Variants in SCFD2 observed in about 807,000 individuals in gnomAD.
SCFD2 encodes sec1 family domain containing 2.
Under a neutral mutation model 58.9 loss-of-function variants are expected in SCFD2, and 54 were observed. That is an observed-to-expected ratio of 0.92 (90% CI 0.74 to 1.15). The LOEUF is 1.15. Among genes scored for constraint, SCFD2 ranks in the 50% most tolerant of loss-of-function variants. SCFD2 has a pLI of 0.00. For missense variants in SCFD2, 805 were observed against 836.6 expected, an observed-to-expected ratio of 0.96 and a Z score of 0.47; for synonymous variants, 321 against 335.9, an observed-to-expected ratio of 0.96 and a Z score of 0.49.
chr4:53,335,118 C>G (rs919686193), intron 2 of SCFD2, among the ~76,000 whole-genome samples: 1 of 148,976 alleles, frequency 6.7e-6, no homozygotes, highest in Admixed American at 6.9e-5. Context: ...ATTGCTGAAA[C>G]CCAGGAGGCA....
intron 4 of SCFD2, among the ~76,000 whole-genome samples, chr4:53,231,545 T>C (rs1381864593): frequency 1.3e-5 from 2 of 152,212 alleles, no homozygotes; most frequent in Non-Finnish European, 2.9e-5. Context: ...TTTATCATGC[T>C]AATCAGAAAC....
chr4:53,313,091 G>A (rs1009053766), intron 3 of SCFD2, among the ~76,000 whole-genome samples: 1 of 152,020 alleles, frequency 6.6e-6, no homozygotes, highest in African/African-American at 2.4e-5. Flanking sequence ...AAAGATGGAT[G>A]TGAAAAAAAA....
At chr4:52,933,405 T>C (rs1160015481) in intron 5 of SCFD2, among the ~76,000 whole-genome samples, 1 of 152,196 alleles carries the variant, frequency 6.6e-6, no homozygotes, top group Non-Finnish European at 1.5e-5. Context: ...AGATTTAAAC[T>C]CTTAACAAAA....
intron 7 of SCFD2, 145 bp downstream of exon 7, chr4:52,907,312 T>G: frequency 1.3e-6 from 1 of 770,576 alleles, no homozygotes; most frequent in Non-Finnish European, 2.2e-6. Context: ...AATCAAAAGA[T>G]AAAGATTGCC....
chr4:53,309,717 T>C (rs1732630511), intron 3 of SCFD2, among the ~76,000 whole-genome samples: 2 of 152,204 alleles, frequency 1.3e-5, no homozygotes, highest in South Asian at 4.1e-4. Flanking sequence ...AATTAGTACA[T>C]TTCCGAGAAA....
chr4:53,195,681 A>G (rs1294447066), intron 4 of SCFD2, among the ~76,000 whole-genome samples: 1 of 152,154 alleles, frequency 6.6e-6, no homozygotes, highest in Admixed American at 6.6e-5. Flanking sequence ...CGTACGAACA[A>G]CTGATTCAGT....
At chr4:53,069,233 G>C (rs1028609254) in intron 5 of SCFD2, among the ~76,000 whole-genome samples, 1 of 152,004 alleles carries the variant, frequency 6.6e-6, no homozygotes, top group African/African-American at 2.4e-5. Flanking sequence ...TTACTGATTT[G>C]CCCAGCAGTC....
At position 53,365,636 on chromosome 4, in the gene SCFD2, C is replaced by T; in HGVS notation, c.306G>A (p.Val102=). 3.1e-6 allele frequency: 5 copies of T among 1,614,202 alleles called. No individual in the cohort carries two copies. The highest frequency in any genetic ancestry group is 3.4e-6 in the Non-Finnish European group (4 of 1,180,040). The change falls in exon 1 of 9, where the codon GTG becomes GTA. Residue 102 remains valine, a synonymous_variant. Transcript: ENST00000401642. This position sits in a 1 kb window ranked among gnomAD's most constrained non-coding sequence, Gnocchi z 4.3. ...IICRSHFQYC[V]VVTTVSHAVH... ...CAGCGTGGCTCACGGTTGTGACCAC[C>T]ACACAATACTGGAAGTGACTGCGGC... is the stretch of plus-strand genomic sequence containing the variant.
rs1734670984 is a variant in SCFD2 at position 53,365,484 on chromosome 4, AC to A, written c.457del (p.Val153CysfsTer17). 6.2e-7 allele frequency: 1 copy of A among 1,614,000 alleles called. No homozygotes were observed. The highest frequency in any genetic ancestry group is 8.5e-7 in the Non-Finnish European group (1 of 1,180,026). On this transcript the variant is annotated frameshift_variant, in exon 1 of 9. Coordinates refer to ENST00000401642, the MANE Select transcript of SCFD2 (RefSeq NM_152540.4). LOFTEE classifies it high-confidence loss of function. This position sits in a 1 kb window ranked among gnomAD's most constrained non-coding sequence, Gnocchi z 4.3. The stretch of plus-strand genomic sequence containing the variant: ...GGCAAGCAATAACGGGACATGGAAC[AC>A]CTCGGCCGTGTAGTTCATGTTGCCC... ...WMGNMNYTAEVFHVPLLLAPV... is the reference protein window; with the variant it reads ...WMGNMNYTAEXFHVPLLLAPV...
At chr4:53,214,528 G>A (rs1728744487) in intron 4 of SCFD2, among the ~76,000 whole-genome samples, 1 of 152,012 alleles carries the variant, frequency 6.6e-6, no homozygotes, top group Non-Finnish European at 1.5e-5. Flanking sequence ...ATTTGTTTGA[G>A]TTCATTGTAG....
chr4:53,041,683 T>C (rs1722904388), intron 5 of SCFD2, among the ~76,000 whole-genome samples: 1 of 152,216 alleles, frequency 6.6e-6, no homozygotes, highest in Admixed American at 6.5e-5. Context: ...GTTCACCTTG[T>C]ACATGTGGTT....
rs1726299877 is a variant in SCFD2 at position 53,145,467 on chromosome 4, A to T, written c.1427T>A (p.Ile476Lys). 3 of 1,614,142 alleles carry T rather than the reference A, an allele frequency of 1.9e-6. No individual in the cohort carries two copies. In the East Asian group the frequency reaches 6.7e-5, roughly 36 times the overall value. ...YSPEELLILL[I>K]YIYSVTGELT... ...CTCTCCAGTGACAGAATAAATATAT[A>T]TGAGAAGGATCAGCAGTTCCTCAGG... Residue 476 changes from isoleucine (I) to lysine (K), a missense_variant, in exon 5 of 9, where the codon ATA becomes AAA. Ile to Lys is a moderately radical substitution (Grantham distance 102). This residue lies in a region of SCFD2 where 633 missense variants were observed against 646.8 expected (regional missense o/e 0.98). Coordinates refer to ENST00000401642, the MANE Select transcript of SCFD2 (RefSeq NM_152540.4).
At chr4:53,320,261 T>C (rs1223477651) in intron 2 of SCFD2, among the ~76,000 whole-genome samples, 7 of 152,180 alleles carry the variant, frequency 4.6e-5, no homozygotes, top group African/African-American at 1.7e-4. Flanking sequence ...TTCTGTAAAA[T>C]AAAAGGCTTG....
chr4:53,222,435 G>C (rs569566331), intron 4 of SCFD2, among the ~76,000 whole-genome samples: 1 of 152,278 alleles, frequency 6.6e-6, no homozygotes, highest in Non-Finnish European at 1.5e-5. Flanking sequence ...TGGGACAGTG[G>C]ATATCTGTGC....
At chr4:53,300,087 C>A (rs1235757053) in intron 3 of SCFD2, among the ~76,000 whole-genome samples, 1 of 152,114 alleles carries the variant, frequency 6.6e-6, no homozygotes, top group Non-Finnish European at 1.5e-5. Flanking sequence ...GGATCAAATT[C>A]ACACATAACA....
intron 5 of SCFD2, among the ~76,000 whole-genome samples, chr4:52,989,643 C>A (rs1721575826): frequency 2.0e-5 from 3 of 152,194 alleles, no homozygotes; most frequent in African/African-American, 7.2e-5. Context: ...AAATCGACAT[C>A]ATCTAATAAT....
chr4:53,161,711 C>G (rs1726856855), intron 4 of SCFD2, among the ~76,000 whole-genome samples: 1 of 152,192 alleles, frequency 6.6e-6, no homozygotes, highest in South Asian at 2.1e-4. Context: ...GTGACTTCTT[C>G]AGAGAGCAGA....
chr4:52,954,918 T>G (rs1452453797), intron 5 of SCFD2, among the ~76,000 whole-genome samples: 3 of 152,144 alleles, frequency 2.0e-5, no homozygotes, highest in South Asian at 2.1e-4. Flanking sequence ...CACTCCTCTT[T>G]CATCTGTTGC....
intron 4 of SCFD2, among the ~76,000 whole-genome samples, chr4:53,214,746 G>A (rs1408093955): frequency 6.6e-6 from 1 of 152,112 alleles, no homozygotes; most frequent in Non-Finnish European, 1.5e-5. Flanking sequence ...GCCTTGAATG[G>A]TATTGCCTAG....
Sources: gnomAD v4.1 joint callset for allele counts (sites outside exome capture counted in the v4.1 genomes callset) on GRCh38, gnomAD v4.1.1 for gene constraint, gnomAD v4.1.1 regional missense constraint, Gnocchi (gnomAD v3.1) non-coding constraint, MANE v1.5 for transcripts, NCBI Gene and HGNC (gene_info 2026-07-23, HGNC 2026-07-21) for gene names.